Variants in KCNQ5 observed in about 807,000 individuals in gnomAD.
The protein encoded by KCNQ5 is potassium voltage-gated channel subfamily Q member 5, also known as potassium voltage-gated channel subfamily KQT member 5.
Under a neutral mutation model 98.2 loss-of-function variants are expected in KCNQ5, and 30 were observed. That is an observed-to-expected ratio of 0.31 (90% CI 0.23 to 0.41). KCNQ5 has a LOEUF of 0.41. Ranked by LOEUF, KCNQ5 falls within the 10% of genes least tolerant of loss-of-function variation. The pLI is 1.00. For synonymous variants in KCNQ5, 458 were observed against 449.4 expected, an observed-to-expected ratio of 1.02 and a Z score of -0.24; for missense variants, 835 against 1,182.5, an observed-to-expected ratio of 0.71 and a Z score of 4.31.
intron 1 of KCNQ5, among the ~76,000 whole-genome samples, chr6:72,804,145 C>G (rs73541794): frequency 0.013 from 1,939 of 152,242 alleles, 48 homozygotes; most frequent in African/African-American, 0.045. Context: ...CACATCACCT[C>G]AAGCATTTAT....
At chr6:72,638,063 G>A (rs929429596) in intron 1 of KCNQ5, among the ~76,000 whole-genome samples, 12 of 152,174 alleles carry the variant, frequency 7.9e-5, no homozygotes, top group Non-Finnish European at 7.3e-5. Context: ...CACTGAGATC[G>A]TCCTGCAATC....
At chr6:72,729,860 TG>T (rs1770470605) in intron 1 of KCNQ5, among the ~76,000 whole-genome samples, 1 of 152,200 alleles carries the variant, frequency 6.6e-6, no homozygotes, top group Non-Finnish European at 1.5e-5. Flanking sequence ...TGGCTTCTAC[TG>T]CCTTCAGTAG....
intron 1 of KCNQ5, among the ~76,000 whole-genome samples, chr6:72,892,263 G>T (rs939340785): frequency 9.9e-5 from 15 of 152,154 alleles, no homozygotes; most frequent in Admixed American, 5.2e-4. Context: ...ATCACTTTAT[G>T]CACAACTGAA....
chr6:72,921,137 A>G (rs1448039633), intron 1 of KCNQ5, among the ~76,000 whole-genome samples: 1 of 152,186 alleles, frequency 6.6e-6, no homozygotes, highest in African/African-American at 2.4e-5. Context: ...CCCAAGTTCC[A>G]TATTAAGATT....
At position 72,895,158 on chromosome 6, in the gene KCNQ5, G is replaced by A. The variant is rs568327497; in HGVS notation, c.399-108750G>A. Reference sequence around the variant, plus strand: ...AAAAAAATTAGCTGGGCGTGGTGGCGGGCGCCTGTAGTCCCAGCTACTTGG... The same window carrying A: ...AAAAAAATTAGCTGGGCGTGGTGGCAGGCGCCTGTAGTCCCAGCTACTTGG... On this transcript the variant is annotated intron_variant, in intron 1 of 13. Coordinates refer to ENST00000370398, the MANE Select transcript of KCNQ5 (RefSeq NM_019842.4). 3.8e-4 allele frequency among the ~76,000 whole-genome samples: 58 copies of A among 150,724 alleles called. No homozygotes were observed. In the East Asian group the frequency reaches 6.8e-3, roughly 18 times the overall value.
intron 1 of KCNQ5, among the ~76,000 whole-genome samples, chr6:72,740,019 G>A (rs4235869): frequency 1.3e-5 from 2 of 151,880 alleles, no homozygotes; most frequent in African/African-American, 4.8e-5. Flanking sequence ...TCTGCTCAGG[G>A]TCTCACTTGG....
At chr6:72,987,657 C>A in intron 1 of KCNQ5, 1 of 618,854 alleles carries the variant, frequency 1.6e-6, no homozygotes, top group Non-Finnish European at 2.9e-6. Flanking sequence ...GCTGGAAGTA[C>A]AGCCGCGGAG....
At chr6:73,145,177 C>T (rs1486040390) in intron 10 of KCNQ5, among the ~76,000 whole-genome samples, 2 of 152,178 alleles carry the variant, frequency 1.3e-5, no homozygotes, top group Non-Finnish European at 2.9e-5. Context: ...AGGAAAATAG[C>T]ATTGTTAGCA....
intron 7 of KCNQ5, among the ~76,000 whole-genome samples, chr6:73,119,876 C>T (rs921684854): frequency 1.6e-4 from 25 of 152,074 alleles, no homozygotes; most frequent in African/African-American, 6.0e-4. Flanking sequence ...AGTATCTTTC[C>T]CTTACCAATT....
intron 1 of KCNQ5, among the ~76,000 whole-genome samples, chr6:72,970,844 T>C (rs980261984): frequency 7.2e-5 from 11 of 152,232 alleles, no homozygotes; most frequent in South Asian, 4.1e-4. Context: ...ATACAAAAAT[T>C]AATTCAAGAT....
intron 1 of KCNQ5, among the ~76,000 whole-genome samples, chr6:72,733,847 G>A (rs1770683190): frequency 6.6e-6 from 1 of 152,194 alleles, no homozygotes. Context: ...GCCCCATGAG[G>A]CTGAAGATTT....
At chr6:72,880,148 G>A (rs1170769235) in intron 1 of KCNQ5, among the ~76,000 whole-genome samples, 4 of 152,102 alleles carry the variant, frequency 2.6e-5, no homozygotes, top group East Asian at 3.9e-4. Flanking sequence ...AGAAAAATTC[G>A]AAAGAACTTA....
At chr6:72,981,568 C>A (rs1403139837) in intron 1 of KCNQ5, among the ~76,000 whole-genome samples, 1 of 151,974 alleles carries the variant, frequency 6.6e-6, no homozygotes, top group Non-Finnish European at 1.5e-5. Context: ...ATTAGTCTTG[C>A]TAGTGGTCTA....
chr6:72,792,959 G>A (rs1259341641), intron 1 of KCNQ5, among the ~76,000 whole-genome samples: 2 of 152,110 alleles, frequency 1.3e-5, no homozygotes, highest in Non-Finnish European at 2.9e-5. Flanking sequence ...AGTCTCCATG[G>A]GAATAGAATG....
At chr6:72,682,994 A>G (rs1279263560) in intron 1 of KCNQ5, among the ~76,000 whole-genome samples, 1 of 152,192 alleles carries the variant, frequency 6.6e-6, no homozygotes, top group Non-Finnish European at 1.5e-5. Flanking sequence ...CAGCTTCTTT[A>G]AGGATGGCTC....
intron 1 of KCNQ5, among the ~76,000 whole-genome samples, chr6:72,709,104 A>G (rs75518922): frequency 0.015 from 2,346 of 152,272 alleles, 49 homozygotes; most frequent in African/African-American, 0.051. Flanking sequence ...TTGGCCCCAC[A>G]AAGGTGCTGG....
At chr6:73,156,631 C>T (rs1777372516) in intron 10 of KCNQ5, among the ~76,000 whole-genome samples, 1 of 116,460 alleles carries the variant, frequency 8.6e-6, no homozygotes, top group Admixed American at 9.8e-5. Context: ...TCAAAAAAAA[C>T]GAAAACAAAA....
At chr6:73,014,587 A>G (rs971353223) in intron 2 of KCNQ5, among the ~76,000 whole-genome samples, 5 of 152,108 alleles carry the variant, frequency 3.3e-5, no homozygotes, top group African/African-American at 1.2e-4. Flanking sequence ...TTCAGGTAGC[A>G]AAGTAAACAT....
intron 2 of KCNQ5, among the ~76,000 whole-genome samples, chr6:73,005,129 A>G (rs567775370): frequency 2.1e-4 from 32 of 152,202 alleles, no homozygotes; most frequent in Non-Finnish European, 4.4e-4. Context: ...ATTCATTTGC[A>G]TACAAATTGT....
Sources: gnomAD v4.1 joint callset for allele counts (sites outside exome capture counted in the v4.1 genomes callset) on GRCh38, gnomAD v4.1.1 for gene constraint, MANE v1.5 for transcripts, NCBI Gene and HGNC (gene_info 2026-07-23, HGNC 2026-07-21) for gene names.